Variants in SPPL2A observed in about 807,000 individuals in gnomAD.
SPPL2A encodes signal peptide peptidase like 2A, also known as signal peptide peptidase-like 2A.
SPPL2A carries 51 observed loss-of-function variants against 63.8 expected under a neutral mutation model. The ratio of observed to expected loss-of-function variants is 0.80; its 90% CI spans 0.64 to 1.01. The LOEUF is 1.01. Among genes scored for constraint, SPPL2A ranks in the 50% least tolerant of loss-of-function variants. SPPL2A has a pLI of 0.00. For missense variants in SPPL2A, 553 were observed against 622.7 expected, an observed-to-expected ratio of 0.89 and a Z score of 1.19; for synonymous variants, 188 against 205.8, an observed-to-expected ratio of 0.91 and a Z score of 0.74.
At chr15:50,750,196 T>A (rs1390135654) in intron 1 of SPPL2A, among the ~76,000 whole-genome samples, 6 of 152,116 alleles carry the variant, frequency 3.9e-5, no homozygotes, top group Non-Finnish European at 8.8e-5. Context: ...CTCCACCTCC[T>A]GGGTTCAAGC....
intron 3 of SPPL2A, among the ~76,000 whole-genome samples, chr15:50,748,404 T>C (rs1156290803): frequency 6.6e-6 from 1 of 151,528 alleles, no homozygotes; most frequent in Non-Finnish European, 1.5e-5. Flanking sequence ...ATATATAGCA[T>C]TTATGATATA....
chr15:50,756,958 T>G (rs1273617995), intron 1 of SPPL2A, among the ~76,000 whole-genome samples: 1 of 152,154 alleles, frequency 6.6e-6, no homozygotes, highest in Non-Finnish European at 1.5e-5. Context: ...ACACTCCAGT[T>G]TTAATAATGA....
chr15:50,722,462 C>CT (rs577687534), intron 12 of SPPL2A, among the ~76,000 whole-genome samples: 4,341 of 147,394 alleles, frequency 0.029, 86 homozygotes, highest in African/African-American at 0.03. Flanking sequence ...ATGAAGAAAA[C>CT]TTTTTTTTTT....
Position 50,726,445 on chromosome 15 carries a change from G to A in SPPL2A, c.1090-68C>T, listed in dbSNP as rs576462516. 10 of 1,436,688 alleles carry A rather than the reference G, an allele frequency of 7.0e-6. 1 individual carries two copies. In the East Asian group the frequency reaches 2.3e-4, roughly 33 times the overall value. 89.0% of individuals were successfully genotyped at this position (1,436,688 alleles called of 1,614,324 possible). On this transcript the variant is annotated intron_variant, in intron 10 of 14. Coordinates refer to ENST00000261854, the MANE Select transcript of SPPL2A (RefSeq NM_032802.4). ...GAACAATCTGCCACTATTCAAGTGT[G>A]ATTTAAGCCCCATGGCATATGGCCA...
At chr15:50,733,406 A>G (rs1051227847) in intron 8 of SPPL2A, among the ~76,000 whole-genome samples, 2 of 152,156 alleles carry the variant, frequency 1.3e-5, no homozygotes, top group Admixed American at 6.6e-5. Context: ...AAATGAACAG[A>G]TATCTGTATA....
intron 11 of SPPL2A, 160 bp downstream of exon 11, chr15:50,726,161 A>C (rs756444553): frequency 4.0e-6 from 6 of 1,510,238 alleles, no homozygotes; most frequent in Non-Finnish European, 5.4e-6. Context: ...GTATTTAATA[A>C]TTTAGAATAA....
At chr15:50,765,384 C>G in intron 1 of SPPL2A, 84 bp downstream of exon 1, 1 of 1,076,902 alleles carries the variant, frequency 9.3e-7, no homozygotes, top group Non-Finnish European at 1.3e-6. Flanking sequence ...GGAGGCCGGG[C>G]GAGGAGTAGG....
intron 13 of SPPL2A, among the ~76,000 whole-genome samples, chr15:50,720,602 C>G (rs911447906): frequency 7.3e-5 from 11 of 150,118 alleles, no homozygotes; most frequent in Admixed American, 1.3e-4. Context: ...TCACCGCAAC[C>G]TCTGCCTCCT....
chr15:50,716,203 A>G (rs1225230717), intron 14 of SPPL2A, among the ~76,000 whole-genome samples: 1 of 152,016 alleles, frequency 6.6e-6, no homozygotes, highest in East Asian at 1.9e-4. Flanking sequence ...ATTTTTATTT[A>G]TTTATTTTTG....
intron 5 of SPPL2A, among the ~76,000 whole-genome samples, chr15:50,744,040 G>T (rs865903123): frequency 3.9e-5 from 6 of 151,988 alleles, no homozygotes; most frequent in South Asian, 4.2e-4. Flanking sequence ...TTAGCTGGGT[G>T]TGGTAGTTCA....
rs1439030770 is a variant in SPPL2A at position 50,702,604 on chromosome 15, T to A, written c.*5196A>T. On this transcript the variant is annotated 3_prime_UTR_variant, in exon 15 of 15. Coordinates refer to ENST00000261854, the MANE Select transcript of SPPL2A (RefSeq NM_032802.4). Reference sequence around the variant, plus strand: ...AAAAATTACCTAATTTACATTGACTTGTCCTACTAGAAAATGTTGCAGGTT... The same window carrying A: ...AAAAATTACCTAATTTACATTGACTAGTCCTACTAGAAAATGTTGCAGGTT... The A allele has an allele frequency of 1.3e-5, 2 of 152,158 alleles. No individual in the cohort carries two copies. The highest frequency in any genetic ancestry group is 4.8e-5 in the African/African-American group (2 of 41,456). The allele number at this position is 152,158 out of a possible 1,614,324, so 9.4% of individuals were successfully genotyped here.
At chr15:50,725,355 CAAA>C in intron 11 of SPPL2A, 32 bp from the exon 12 acceptor site, 1 of 1,230,036 alleles carries the variant, frequency 8.1e-7, no homozygotes, top group Non-Finnish European at 1.2e-6. Flanking sequence ...CAAAACAAAA[CAAA>C]ACAAAAAACA....
chr15:50,720,256 G>A (rs2062634369), intron 13 of SPPL2A, among the ~76,000 whole-genome samples, 156 bp from the exon 14 acceptor site: 1 of 152,110 alleles, frequency 6.6e-6, no homozygotes, highest in Non-Finnish European at 1.5e-5. Flanking sequence ...AGGATTAGGA[G>A]ACATCTTCTA....
intron 5 of SPPL2A, among the ~76,000 whole-genome samples, chr15:50,741,030 C>T (rs1278053753): frequency 3.3e-5 from 5 of 152,232 alleles, no homozygotes; most frequent in Admixed American, 2.6e-4. Context: ...TAACTTTGTC[C>T]TACCTTTATT....
chr15:50,762,949 T>C (rs2063025535), intron 1 of SPPL2A, among the ~76,000 whole-genome samples: 1 of 150,912 alleles, frequency 6.6e-6, no homozygotes, highest in Non-Finnish European at 1.5e-5. Context: ...TTCACCATAT[T>C]GGCCAGGCTG....
At chr15:50,712,528 A>G (rs8038013) in intron 14 of SPPL2A, among the ~76,000 whole-genome samples, 145,151 of 152,126 alleles carry the variant, frequency 0.95, 69,632 homozygotes, top group Non-Finnish European at 1. Context: ...CAGGCATGTA[A>G]AAGCTCCCCA....
rs530189084 is a variant in SPPL2A at position 50,725,999 on chromosome 15, T to C, written c.1146+322A>G. On this transcript the variant is annotated intron_variant, in intron 11 of 14. Transcript: ENST00000261854. ...TTTTTTGGCAATCTGGATTTTTTTTTCCCCCAAAGAAGAGTCTTGTCTCAG... is the reference window on the plus strand; with the variant it reads ...TTTTTTGGCAATCTGGATTTTTTTTCCCCCCAAAGAAGAGTCTTGTCTCAG... 18 of 997,916 alleles carry C rather than the reference T, an allele frequency of 1.8e-5. No homozygotes were observed. The East Asian group carries it at 2.0e-4, about 11-fold the overall frequency. The allele number at this position is 997,916 out of a possible 1,614,324, so 61.8% of individuals were successfully genotyped here.
At chr15:50,738,891 CCTAA>C (rs954673989) in intron 6 of SPPL2A, among the ~76,000 whole-genome samples, 1 of 152,062 alleles carries the variant, frequency 6.6e-6, no homozygotes, top group Non-Finnish European at 1.5e-5. Context: ...GATATATGAT[CCTAA>C]CTGTTTATAT....
chr15:50,706,270 G>C lies in SPPL2A; in HGVS notation c.*1530C>G, dbSNP rs1442930263. ...CCGGGCGTAGTGGCGGGCGCCTGTA[G>C]TCCTAGCTACTTGGGAGGCTGAGGC... is the stretch of plus-strand genomic sequence containing the variant. On this transcript the variant is annotated 3_prime_UTR_variant, in exon 15 of 15. Coordinates refer to ENST00000261854, the MANE Select transcript of SPPL2A (RefSeq NM_032802.4). 6.7e-6 allele frequency: 1 copy of C among 150,082 alleles called. No individual in the cohort carries two copies. The highest frequency in any genetic ancestry group is 2.4e-5 in the African/African-American group (1 of 40,920). 9.3% of individuals were successfully genotyped at this position (150,082 alleles called of 1,614,324 possible).
Sources: gnomAD v4.1 joint callset for allele counts (sites outside exome capture counted in the v4.1 genomes callset) on GRCh38, gnomAD v4.1.1 for gene constraint, MANE v1.5 for transcripts, NCBI Gene and HGNC (gene_info 2026-07-23, HGNC 2026-07-21) for gene names.